PHIP: variants seen among roughly 807,000 people sequenced by gnomAD.
PHIP encodes PH-interacting protein.
PHIP carries 54 observed loss-of-function variants against 236.8 expected under a neutral mutation model. The ratio of observed to expected loss-of-function variants is 0.23; its 90% CI spans 0.18 to 0.29. PHIP has a LOEUF of 0.29. Among genes scored for constraint, PHIP ranks in the 10% least tolerant of loss-of-function variants. The pLI, the probability that PHIP is intolerant of heterozygous loss-of-function variation, is 1.00. For synonymous variants in PHIP, 756 were observed against 718.9 expected, an observed-to-expected ratio of 1.05 and a Z score of -0.83; for missense variants, 1,370 against 2,190.8, an observed-to-expected ratio of 0.63 and a Z score of 7.48.
At position 78,937,466 on chromosome 6, in the gene PHIP, C is replaced by T. The variant is rs1001120999; in HGVS notation, c.*3227G>A. 5 of 151,722 alleles carry T rather than the reference C, an allele frequency of 3.3e-5. No homozygotes were observed. The highest frequency in any genetic ancestry group is 7.4e-5 in the Non-Finnish European group (5 of 67,660). The allele number at this position is 151,722 out of a possible 1,614,324, so 9.4% of individuals were successfully genotyped here. A position where few individuals can be genotyped will look rare whatever the true frequency, so the allele number is the denominator to read the frequency against. On this transcript the variant is annotated 3_prime_UTR_variant, in exon 40 of 40. Transcript: ENST00000275034. ...GTTCTAGATGTTAACATACATGCTG[C>T]ATAAAGATATTTTCTCTGATTACTG...
rs548424710 is a variant in PHIP at position 78,946,800 on chromosome 6, A to G, written c.4281T>C (p.Ser1427=). Residue 1427 remains serine (S), a synonymous_variant, in exon 37 of 40, where the codon TCT becomes TCC. Transcript: ENST00000275034. The stretch of plus-strand genomic sequence containing the variant: ...TATTTCTTTTATGAAAACGAAGAGC[A>G]GATTTATAATCTGATAAAACTGAAC... ...HISSVLSDYK[S]ALRFHKRNTI... 6.3e-6 allele frequency: 10 copies of G among 1,595,656 alleles called. No homozygotes were observed. In the African/African-American group the frequency reaches 1.4e-4, roughly 22 times the overall value.
chr6:78,958,380 T>TGTAAAGAAGAA (rs1766564531), intron 32 of PHIP, 95 bp downstream of exon 32: 11 of 820,128 alleles, frequency 1.3e-5, no homozygotes, highest in Middle Eastern at 3.6e-4. Context: ...CTTAAATGTT[T>TGTAAAGAAGAA]CTTCTTTACA....
chr6:78,991,084 T>C, intron 19 of PHIP, 99 bp from the exon 20 acceptor site: 1 of 697,358 alleles, frequency 1.4e-6, no homozygotes, highest in South Asian at 1.9e-5. Flanking sequence ...ACTCCTGATG[T>C]TTTATTTTAA....
intron 19 of PHIP, among the ~76,000 whole-genome samples, chr6:78,993,575 T>C (rs1190706653): frequency 3.3e-5 from 5 of 152,228 alleles, no homozygotes; most frequent in Admixed American, 2.6e-4. Flanking sequence ...ATGATAAATA[T>C]ACTCATCTTG....
chr6:79,017,702 C>A, intron 10 of PHIP, 119 bp from the exon 11 acceptor site: 1 of 655,790 alleles, frequency 1.5e-6, no homozygotes, highest in Non-Finnish European at 2.7e-6. Flanking sequence ...TACTCCAAAA[C>A]CATTCACATT....
intron 35 of PHIP, among the ~76,000 whole-genome samples, chr6:78,949,826 C>CT (rs1336015624): frequency 6.6e-6 from 1 of 152,024 alleles, no homozygotes; most frequent in African/African-American, 2.4e-5. Flanking sequence ...GTAGCTTGAA[C>CT]TATAGGTGCA....
Position 78,955,655 on chromosome 6 carries a change from TG to T in PHIP, c.3809del (p.Pro1270HisfsTer6). 9.2e-7 allele frequency: 1 copy of T among 1,091,006 alleles called. No individual in the cohort carries two copies. Among genetic ancestry groups the T allele is most frequent in the Admixed American group, 1.8e-5 (1 of 54,750 alleles). The allele number at this position is 1,091,006 out of a possible 1,614,324, so 67.6% of individuals were successfully genotyped here. On this transcript the variant is annotated frameshift_variant, in exon 33 of 40. Coordinates refer to ENST00000275034, the MANE Select transcript of PHIP (RefSeq NM_017934.7). LOFTEE classifies it high-confidence loss of function. ...CTTTCTTCTTCATTGAATTATAAAGTGGAATTATGTTATAACAAGTCTGATC... is the reference window on the plus strand; with the variant it reads ...CTTTCTTCTTCATTGAATTATAAAGTGAATTATGTTATAACAAGTCTGATC... ...IKDQTCYNII[P>X]LYNSMKKKVL...
At chr6:78,979,479 T>C (rs960518840) in intron 23 of PHIP, among the ~76,000 whole-genome samples, 2 of 152,052 alleles carry the variant, frequency 1.3e-5, no homozygotes, top group Non-Finnish European at 2.9e-5. Flanking sequence ...GGTATTCTCA[T>C]AGGAGTTGAG....
intron 4 of PHIP, among the ~76,000 whole-genome samples, chr6:79,073,106 T>A (rs2127781263): frequency 6.6e-6 from 1 of 152,266 alleles, no homozygotes; most frequent in South Asian, 2.1e-4. Context: ...ACATTCCAGC[T>A]CCCGCTTTAT....
chr6:79,071,469 T>A (rs1773879931), intron 4 of PHIP, among the ~76,000 whole-genome samples: 1 of 152,218 alleles, frequency 6.6e-6, no homozygotes, highest in Non-Finnish European at 1.5e-5. Flanking sequence ...TAATAGAAAC[T>A]GAGAATGTTC....
rs1281141320 is a variant in PHIP, at chr6:78,970,097, A to G, written c.3074T>C (p.Phe1025Ser). ...CAGTTTACCAGTATCAGGATCTAGA[A>G]AAGCAAGTTTAAGGCAGCAAAGGGT... ...LPTLCCLKLA[F>S]LDPDTGKLTG... The change falls in exon 26 of 40, where the codon TTT becomes TCT. Residue 1025 changes from phenylalanine to serine, a missense_variant. Transcript: ENST00000275034. 2.5e-6 allele frequency: 4 copies of G among 1,613,652 alleles called. 1 individual carries two copies. In the South Asian group the frequency reaches 4.4e-5, roughly 18 times the overall value.
intron 35 of PHIP, among the ~76,000 whole-genome samples, chr6:78,951,165 A>G (rs1774120171): frequency 6.6e-6 from 1 of 152,112 alleles, no homozygotes; most frequent in South Asian, 2.1e-4. Flanking sequence ...GGCTTTACAA[A>G]CTTTGTGGAT....
At chr6:78,987,173 T>C (rs892922132) in intron 21 of PHIP, among the ~76,000 whole-genome samples, 22 of 152,102 alleles carry the variant, frequency 1.4e-4, no homozygotes, top group African/African-American at 4.3e-4. Context: ...TTTCTGGAAA[T>C]ACAGTTCTTA....
In PHIP at chr6:79,078,237, A is replaced by T. The variant is rs766494211; in HGVS notation, c.-169T>A. On this transcript the variant is annotated 5_prime_UTR_variant, in exon 1 of 40. Transcript: ENST00000275034. ...CGGAGGAGGAGGAGGAGGAAACAAC[A>T]ACTCTCAGGCAGCGACTACGGCCGT... 1 of 624,268 alleles carries T rather than the reference A, an allele frequency of 1.6e-6. No individual in the cohort carries two copies. Among genetic ancestry groups the T allele is most frequent in the East Asian group, 3.1e-5 (1 of 32,560 alleles). The allele number at this position is 624,268 out of a possible 1,614,324, so 38.7% of individuals were successfully genotyped here. A position where few individuals can be genotyped will look rare whatever the true frequency, so the allele number is the denominator to read the frequency against.
At position 79,022,965 on chromosome 6, in the gene PHIP, T is replaced by A. The variant is rs143904083; in HGVS notation, c.923+2554A>T. Among the ~76,000 whole-genome samples the A allele has an allele frequency of 6.2e-4, 95 of 152,360 alleles. 1 individual carries two copies. In the South Asian group the frequency reaches 7.9e-3, roughly 13 times the overall value. On this transcript the variant is annotated intron_variant, in intron 9 of 39. Coordinates refer to ENST00000275034, the MANE Select transcript of PHIP (RefSeq NM_017934.7). ...ATTATTAATTAAATCCTATGTGACA[T>A]AAACAGTATAAATCTATATCCTGCC...
At chr6:79,066,996 C>T (rs1341472404) in intron 4 of PHIP, among the ~76,000 whole-genome samples, 1 of 152,102 alleles carries the variant, frequency 6.6e-6, no homozygotes, top group African/African-American at 2.4e-5. Flanking sequence ...TCAAACGATC[C>T]TCCGACCTCA....
intron 31 of PHIP, among the ~76,000 whole-genome samples, chr6:78,960,255 G>T (rs1462871064): frequency 6.6e-6 from 1 of 152,076 alleles, no homozygotes; most frequent in East Asian, 1.9e-4. Flanking sequence ...CAATATGTGA[G>T]ATATTTACAA....
At chr6:79,070,237 C>A (rs1032645083) in intron 4 of PHIP, among the ~76,000 whole-genome samples, 5 of 152,078 alleles carry the variant, frequency 3.3e-5, no homozygotes, top group Non-Finnish European at 5.9e-5. Flanking sequence ...CTCTTTAAAG[C>A]ATTATTAGTA....
chr6:78,982,697 T>C (rs1394514566), intron 23 of PHIP, among the ~76,000 whole-genome samples, 189 bp downstream of exon 23: 1 of 152,114 alleles, frequency 6.6e-6, no homozygotes, highest in Non-Finnish European at 1.5e-5. Flanking sequence ...TTTTACATGT[T>C]AAATATCTAA....
Sources: gnomAD v4.1 joint callset for allele counts (sites outside exome capture counted in the v4.1 genomes callset) on GRCh38, gnomAD v4.1.1 for gene constraint, MANE v1.5 for transcripts, NCBI Gene and HGNC (gene_info 2026-07-23, HGNC 2026-07-21) for gene names.